The following LEF1 variants were observed in gnomAD, a reference collection of about 807,000 sequenced individuals.
LEF1 encodes lymphoid enhancer-binding factor 1.
A neutral mutation model predicts 51.2 loss-of-function variants in LEF1; 14 were observed. The observed-to-expected ratio is 0.27, with a 90% CI of 0.18 to 0.43. The LOEUF (loss-of-function observed/expected upper bound fraction) is 0.43. Ranked by LOEUF, LEF1 falls within the 20% of genes least tolerant of loss-of-function variation. The pLI is 1.00. For synonymous variants in LEF1, 185 were observed against 183.2 expected, an observed-to-expected ratio of 1.01 and a Z score of -0.08; for missense variants, 386 against 512.0, an observed-to-expected ratio of 0.75 and a Z score of 2.37.
rs1413007448 is a variant in LEF1 at position 108,079,567 on chromosome 4, C to T, written c.770G>A (p.Gly257Asp). The T allele has an allele frequency of 6.2e-7, 1 of 1,613,742 alleles. No individual in the cohort carries two copies. Residue 257 changes from glycine to aspartate, a missense_variant, in exon 7 of 12, where the codon GGC (glycine) becomes GAC (aspartate). By Grantham distance (94) the Gly-to-Asp change is moderately conservative. Around this residue, in one of 2 missense-constraint regions of LEF1, gnomAD observed 335 missense variants for 390.7 expected, o/e 0.86. Transcript: ENST00000265165. ...IPGPPGPHTT[G>D]IPHPAIVTPQ... is the part of the protein sequence containing the mutation. Reference sequence around the variant, plus strand: ...TGTTACAATAGCTGGATGAGGGATGCCAGTTGTGTGGGGACCAGGAGGACC... The same window carrying T: ...TGTTACAATAGCTGGATGAGGGATGTCAGTTGTGTGGGGACCAGGAGGACC...
At chr4:108,080,495 T>C (rs2126288105) in intron 6 of LEF1, among the ~76,000 whole-genome samples, 1 of 152,328 alleles carries the variant, frequency 6.6e-6, no homozygotes, top group East Asian at 1.9e-4. Context: ...TGCTAGGATA[T>C]ATATTTTTCA....
intron 11 of LEF1, among the ~76,000 whole-genome samples, chr4:108,062,115 G>A (rs1737731903): frequency 6.6e-6 from 1 of 152,164 alleles, no homozygotes; most frequent in Non-Finnish European, 1.5e-5. Flanking sequence ...CCTTTTCCAG[G>A]TAAGGAAAAT....
At position 108,163,572 on chromosome 4, in the gene LEF1, C is replaced by T. The variant is rs769759622; in HGVS notation, c.410G>A (p.Arg137Lys). 15 of 1,612,694 alleles carry T rather than the reference C, an allele frequency of 9.3e-6. No homozygotes were observed. The highest frequency in any genetic ancestry group is 1.2e-5 in the Non-Finnish European group (14 of 1,179,414). ...CAACATCAGCATGTTACTTACTGTT[C>T]TCGGGATGGGTGGAGAAAGAGATCC... Reference protein sequence around the residue: ...SNGSLSPPIPRTSNKVPVVQP... With the variant: ...SNGSLSPPIPKTSNKVPVVQP... Residue 137 changes from arginine (R) to lysine (K), a missense_variant, in exon 3 of 12, where the codon AGA (arginine) becomes AAA (lysine). By Grantham distance (26) the Arg-to-Lys change is conservative. Around this residue, in one of 2 missense-constraint regions of LEF1, gnomAD observed 335 missense variants for 390.7 expected, o/e 0.86. Coordinates refer to ENST00000265165, the MANE Select transcript of LEF1 (RefSeq NM_016269.5).
At chr4:108,063,687 A>G in intron 10 of LEF1, 24 bp from the exon 11 acceptor site, 1 of 1,559,654 alleles carries the variant, frequency 6.4e-7, no homozygotes, top group Non-Finnish European at 8.7e-7. Context: ...TGTCTTTAAC[A>G]AATTTTTATT....
chr4:108,076,865 A>T (rs1738896663), intron 8 of LEF1, among the ~76,000 whole-genome samples: 1 of 151,872 alleles, frequency 6.6e-6, no homozygotes, highest in African/African-American at 2.4e-5. Context: ...TACTGAAAAA[A>T]AAAATACAAA....
intron 3 of LEF1, among the ~76,000 whole-genome samples, chr4:108,104,429 A>ATATATATAAAAATACAATAAATAT (rs1741019185): frequency 6.7e-6 from 1 of 148,254 alleles, no homozygotes; most frequent in African/African-American, 2.5e-5. Context: ...TGAAATTTAT[A>ATATATATAAAAATACAATAAATAT]TATATATAAA....
intron 6 of LEF1, 66 bp downstream of exon 6, chr4:108,081,520 C>T (rs1158147601): frequency 1.6e-5 from 21 of 1,300,158 alleles, no homozygotes; most frequent in South Asian, 4.8e-5. Flanking sequence ...CAAGCAGAGG[C>T]GCACAGGATG....
intron 8 of LEF1, among the ~76,000 whole-genome samples, chr4:108,076,742 T>C (rs961222321): frequency 2.6e-5 from 4 of 152,052 alleles, no homozygotes; most frequent in South Asian, 2.1e-4. Context: ...CCCAAAAGGA[T>C]AATAAATATC....
chr4:108,132,659 C>T (rs77437338), intron 3 of LEF1, among the ~76,000 whole-genome samples: 34 of 47,438 alleles, frequency 7.2e-4, no homozygotes, highest in Non-Finnish European at 7.2e-4. Context: ...GAAAATCTGC[C>T]TTTTTTTTTT....
intron 3 of LEF1, among the ~76,000 whole-genome samples, chr4:108,095,451 A>C (rs2110281384): frequency 6.6e-6 from 1 of 152,272 alleles, no homozygotes; most frequent in South Asian, 2.1e-4. Context: ...CATTTGTTTG[A>C]TACCAAAGTC....
chr4:108,110,433 T>G (rs921684967), intron 3 of LEF1, among the ~76,000 whole-genome samples: 2 of 152,224 alleles, frequency 1.3e-5, no homozygotes, highest in African/African-American at 4.8e-5. Context: ...AGAAGGTTGC[T>G]AATAGGATGA....
Position 108,081,585 on chromosome 4 carries a change from C to T in LEF1, c.722+1G>A. ...GCGCCCCAGTTTCCACCTCCACCTACCTGGACATGGAAGTGTCGACTGACA... is the reference window on the plus strand; with the variant it reads ...GCGCCCCAGTTTCCACCTCCACCTATCTGGACATGGAAGTGTCGACTGACA... On this transcript the variant is annotated splice_donor_variant, in intron 6 of 11. Transcript: ENST00000265165. LOFTEE classifies it high-confidence loss of function. 6.2e-7 allele frequency: 1 copy of T among 1,613,224 alleles called. No homozygotes were observed. Among genetic ancestry groups the T allele is most frequent in the Non-Finnish European group, 8.5e-7 (1 of 1,179,260 alleles).
At chr4:108,163,235 G>A (rs1364451089) in intron 3 of LEF1, among the ~76,000 whole-genome samples, 1 of 152,164 alleles carries the variant, frequency 6.6e-6, no homozygotes, top group Non-Finnish European at 1.5e-5. Context: ...TTACTTAGCT[G>A]AAAAAGTAAA....
rs932633400 is a variant in LEF1 at position 108,063,754 on chromosome 4, T to C, written c.1166-91A>G. The C allele has an allele frequency of 8.2e-6, 7 of 857,056 alleles. No homozygotes were observed. In the African/African-American group the frequency reaches 8.7e-5, roughly 11 times the overall value. 53.1% of individuals were successfully genotyped at this position (857,056 alleles called of 1,614,324 possible). Reference sequence around the variant, plus strand: ...TAGCTACAATATCATGTGAACTTGTTTGCTTTACTTTTCATGGTTCTTATA... The same window carrying C: ...TAGCTACAATATCATGTGAACTTGTCTGCTTTACTTTTCATGGTTCTTATA... On this transcript the variant is annotated intron_variant, in intron 10 of 11. Transcript: ENST00000265165.
At chr4:108,145,565 C>G (rs975357780) in intron 3 of LEF1, among the ~76,000 whole-genome samples, 1 of 152,172 alleles carries the variant, frequency 6.6e-6, no homozygotes, top group Admixed American at 6.5e-5. Context: ...TTCTTCCTCT[C>G]AATATGGATT....
intron 3 of LEF1, among the ~76,000 whole-genome samples, chr4:108,149,771 A>C (rs989773923): frequency 2.6e-5 from 4 of 151,772 alleles, no homozygotes; most frequent in African/African-American, 7.2e-5. Context: ...TAATAGAATA[A>C]TAATCTTATA....
intron 11 of LEF1, among the ~76,000 whole-genome samples, chr4:108,061,776 G>T (rs1737710662): frequency 6.6e-6 from 1 of 152,218 alleles, no homozygotes; most frequent in Non-Finnish European, 1.5e-5. Context: ...CCAGGTGGCT[G>T]GCTCAGAAGA....
In LEF1 at chr4:108,079,513, G is replaced by A. The variant is rs1739145031; in HGVS notation, c.824C>T (p.Thr275Ile). Residue 275 changes from threonine (T) to isoleucine (I), a missense_variant, in exon 7 of 12, where the codon ACT becomes ATT. Physicochemically the swap from Thr to Ile is moderately conservative, Grantham distance 89. This residue lies in a region of LEF1 where 335 missense variants were observed against 390.7 expected (regional missense o/e 0.86). Transcript: ENST00000265165. ...TPQVKQEHPH[T>I]DSDLMHVKPQ... ...TTACACGTGCATTAGGTCACTGTCA[G>A]TGTGGGGATGTTCCTGTTTGACCTG... The A allele has an allele frequency of 2.5e-6, 4 of 1,614,162 alleles. No individual in the cohort carries two copies. Among genetic ancestry groups the A allele is most frequent in the Non-Finnish European group, 3.4e-6 (4 of 1,180,008 alleles).
chr4:108,101,134 CA>C (rs1339176983), intron 3 of LEF1, among the ~76,000 whole-genome samples: 1 of 151,972 alleles, frequency 6.6e-6, no homozygotes, highest in African/African-American at 2.4e-5. Flanking sequence ...AGAAGATTCA[CA>C]GGTATTTTCT....
Sources: allele counts gnomAD v4.1 joint callset (sites outside exome capture counted in the v4.1 genomes callset), GRCh38; gene constraint gnomAD v4.1.1; regional missense constraint gnomAD v4.1.1; transcripts MANE v1.5; gene names NCBI Gene and HGNC (gene_info 2026-07-23, HGNC 2026-07-21).